Variants in UHRF2 observed in about 807,000 individuals in gnomAD.
The protein encoded by UHRF2 is ubiquitin like with PHD and ring finger domains 2, also known as E3 ubiquitin-protein ligase UHRF2.
Under a neutral mutation model 96.8 loss-of-function variants are expected in UHRF2, and 23 were observed. The observed-to-expected ratio is 0.24, with a 90% CI of 0.17 to 0.34. UHRF2 has a LOEUF of 0.34. UHRF2 is among the 10% of genes least tolerant of loss of function. The pLI is 1.00. For synonymous variants in UHRF2, 385 were observed against 332.6 expected, an observed-to-expected ratio of 1.16 and a Z score of -1.72; for missense variants, 685 against 981.5, an observed-to-expected ratio of 0.70 and a Z score of 4.04.
intron 3 of UHRF2, among the ~76,000 whole-genome samples, chr9:6,456,976 G>C (rs1330609798): frequency 2.0e-5 from 3 of 152,190 alleles, no homozygotes; most frequent in Non-Finnish European, 2.9e-5. Flanking sequence ...GCTTAGGATA[G>C]TCTTGGCTAT....
chr9:6,445,491 C>T (rs1345403639), intron 3 of UHRF2, among the ~76,000 whole-genome samples: 1 of 152,146 alleles, frequency 6.6e-6, no homozygotes, highest in Non-Finnish European at 1.5e-5. Context: ...GAACTCCTGA[C>T]CTCAAGTGAT....
intron 2 of UHRF2, among the ~76,000 whole-genome samples, chr9:6,424,470 C>T (rs908545022): frequency 6.6e-6 from 1 of 152,158 alleles, no homozygotes; most frequent in East Asian, 1.9e-4. Flanking sequence ...ATACTTAATA[C>T]ATTTTTTACA....
intron 2 of UHRF2, among the ~76,000 whole-genome samples, chr9:6,427,092 C>T (rs1443729246): frequency 6.6e-6 from 1 of 152,098 alleles, no homozygotes; most frequent in Admixed American, 6.6e-5. Context: ...TTGTATTTCC[C>T]ATAGTGCAAG....
chr9:6,422,233 C>T (rs911913937), intron 2 of UHRF2, among the ~76,000 whole-genome samples: 1 of 152,148 alleles, frequency 6.6e-6, no homozygotes, highest in Non-Finnish European at 1.5e-5. Context: ...AGGCGCGTAC[C>T]ACCATGCCTG....
chr9:6,426,494 G>C (rs1820268140), intron 2 of UHRF2, among the ~76,000 whole-genome samples: 1 of 152,150 alleles, frequency 6.6e-6, no homozygotes, highest in South Asian at 2.1e-4. Flanking sequence ...CTTAGTTGAA[G>C]CTACTGTAGA....
rs145372975 is a variant in UHRF2 at position 6,478,152 on chromosome 9, C to T, written c.1160+344C>T. On this transcript the variant is annotated intron_variant, in intron 6 of 15. Transcript: ENST00000276893. ...GTTGCTTCTCCAGCAGTATCTCTTA[C>T]CACTTTCCTCTTTCATTTCCCCAAA... 3.2e-3 allele frequency among the ~76,000 whole-genome samples: 486 copies of T among 152,350 alleles called. 13 individuals are homozygous for T. The highest frequency in any genetic ancestry group is 0.029 in the Admixed American group (447 of 15,296).
At chr9:6,498,257 T>G (rs1825079175) in intron 12 of UHRF2, 99 bp downstream of exon 12, 4 of 1,290,026 alleles carry the variant, frequency 3.1e-6, no homozygotes, top group South Asian at 3.1e-5. Context: ...AGCAATTGAC[T>G]GGTGGACTAT....
chr9:6,421,276 AAGT>A (rs555923162), intron 2 of UHRF2, 134 bp downstream of exon 2: 126 of 711,318 alleles, frequency 1.8e-4, no homozygotes, highest in Middle Eastern at 1.1e-3. Flanking sequence ...TAACTTTTAA[AAGT>A]AGTCTTTTAA....
At chr9:6,486,218 G>A (rs1824281267) in intron 8 of UHRF2, among the ~76,000 whole-genome samples, 1 of 152,128 alleles carries the variant, frequency 6.6e-6, no homozygotes, top group Non-Finnish European at 1.5e-5. Flanking sequence ...GTTTGAAGGA[G>A]CAAAACTAGA....
At chr9:6,434,611 G>T (rs1293925636) in intron 3 of UHRF2, among the ~76,000 whole-genome samples, 1 of 151,774 alleles carries the variant, frequency 6.6e-6, no homozygotes, top group African/African-American at 2.4e-5. Context: ...ATTAATTCTT[G>T]TATTTTTAGT....
intron 8 of UHRF2, among the ~76,000 whole-genome samples, chr9:6,484,301 C>G (rs1474498789): frequency 1.3e-5 from 2 of 152,036 alleles, no homozygotes; most frequent in African/African-American, 4.8e-5. Context: ...GTCTCAGACT[C>G]CTGGCCTAAA....
intron 3 of UHRF2, among the ~76,000 whole-genome samples, chr9:6,458,391 A>G (rs191209509): frequency 4.7e-5 from 7 of 149,368 alleles, no homozygotes; most frequent in South Asian, 4.2e-4. Flanking sequence ...CTTTTCTTCT[A>G]TGTTAGTCTG....
chr9:6,480,987 A>C (rs960445950), intron 6 of UHRF2, among the ~76,000 whole-genome samples: 1 of 152,208 alleles, frequency 6.6e-6, no homozygotes, highest in Non-Finnish European at 1.5e-5. Flanking sequence ...TCTTTGTTAG[A>C]GTATTCCCAG....
rs562313871 is a variant in UHRF2, at chr9:6,467,349, T to A, written c.863+6558T>A. Among the ~76,000 whole-genome samples the A allele has an allele frequency of 2.6e-5, 4 of 152,300 alleles. No homozygotes were observed. In the South Asian group the frequency reaches 8.3e-4, roughly 32 times the overall value. On this transcript the variant is annotated intron_variant, in intron 4 of 15. Coordinates refer to ENST00000276893, the MANE Select transcript of UHRF2 (RefSeq NM_152896.3). ...CCCCTTCCCCTGTGATTATATTGGA[T>A]CTGCGTGGATAATCTTCCCATTTCA...
intron 4 of UHRF2, among the ~76,000 whole-genome samples, chr9:6,473,885 T>C (rs953526032): frequency 2.0e-5 from 3 of 152,204 alleles, no homozygotes; most frequent in African/African-American, 7.2e-5. Context: ...AAAAACTGTT[T>C]AACCCATACT....
In UHRF2 at chr9:6,475,406, A is replaced by G. The variant is rs376354776; in HGVS notation, c.879A>G (p.Thr293=). 244 of 1,572,166 alleles carry G rather than the reference A, an allele frequency of 1.6e-4. No individual in the cohort carries two copies. The highest frequency in any genetic ancestry group is 2.0e-4 in the Non-Finnish European group (234 of 1,158,658). The change falls in exon 5 of 16, where the codon ACA becomes ACG. Residue 293 remains threonine, a synonymous_variant. Transcript: ENST00000276893. ...TTTTAAACAGGGGTTCTGAAGGAAC[A>G]TTAAATGACTGCAAGATAATATCTG... ...VKIFLGGSEG[T]LNDCKIISVD... is the part of the protein sequence containing the mutation.
At position 6,506,486 on chromosome 9, in the gene UHRF2, G is replaced by C. The variant is rs1563816046; in HGVS notation, c.*307G>C. ...CCTCAGGACAGAAAAGATTTATGGG[G>C]ATTTTAAAAATCATTGAATAACTAG... is the stretch of plus-strand genomic sequence containing the variant. On this transcript the variant is annotated 3_prime_UTR_variant, in exon 16 of 16. Coordinates refer to ENST00000276893, the MANE Select transcript of UHRF2 (RefSeq NM_152896.3). The C allele has an allele frequency of 1.5e-5, 3 of 195,594 alleles. No homozygotes were observed. The highest frequency in any genetic ancestry group is 3.1e-5 in the Non-Finnish European group (3 of 97,180). The allele number at this position is 195,594 out of a possible 1,614,324, so 12.1% of individuals were successfully genotyped here. A position where few individuals can be genotyped will look rare whatever the true frequency, so the allele number is the denominator to read the frequency against.
intron 4 of UHRF2, among the ~76,000 whole-genome samples, chr9:6,472,003 A>G (rs1395633064): frequency 6.6e-6 from 1 of 152,238 alleles, no homozygotes; most frequent in East Asian, 1.9e-4. Flanking sequence ...ACTTACATAC[A>G]GTAATATGTA....
At chr9:6,425,513 G>C (rs574717762) in intron 2 of UHRF2, among the ~76,000 whole-genome samples, 5 of 152,196 alleles carry the variant, frequency 3.3e-5, no homozygotes, top group Non-Finnish European at 7.4e-5. Context: ...CCAGCACTTT[G>C]GGAGGCTGAG....
Sources: gnomAD v4.1 joint callset for allele counts (sites outside exome capture counted in the v4.1 genomes callset) on GRCh38, gnomAD v4.1.1 for gene constraint, MANE v1.5 for transcripts, NCBI Gene and HGNC (gene_info 2026-07-23, HGNC 2026-07-21) for gene names.